HHAT: variants seen among roughly 807,000 people sequenced by gnomAD.
HHAT encodes the protein protein-cysteine N-palmitoyltransferase HHAT.
A neutral mutation model predicts 70.8 loss-of-function variants in HHAT; 47 were observed. The ratio of observed to expected loss-of-function variants is 0.66; its 90% CI spans 0.53 to 0.85. The LOEUF is 0.85. Among genes scored for constraint, HHAT ranks in the 40% least tolerant of loss-of-function variants. HHAT has a pLI of 0.00. For missense variants in HHAT, 609 were observed against 604.8 expected, an observed-to-expected ratio of 1.01 and a Z score of -0.07; for synonymous variants, 228 against 247.6, an observed-to-expected ratio of 0.92 and a Z score of 0.74.
At chr1:210,336,692 G>T (rs2085529542) in intron 1 of HHAT, among the ~76,000 whole-genome samples, 1 of 152,118 alleles carries the variant, frequency 6.6e-6, no homozygotes, top group African/African-American at 2.4e-5. Context: ...GCTAAGGCAG[G>T]AGGATCTCTT....
chr1:210,355,470 C>T (rs2087513355), intron 2 of HHAT, among the ~76,000 whole-genome samples: 1 of 152,102 alleles, frequency 6.6e-6, no homozygotes, highest in South Asian at 2.1e-4. Flanking sequence ...TTTTAAAGTA[C>T]CTATTCCTTT....
chr1:210,332,215 C>G (rs1316938111), intron 1 of HHAT, among the ~76,000 whole-genome samples: 1 of 152,212 alleles, frequency 6.6e-6, no homozygotes, highest in African/African-American at 2.4e-5. Context: ...AGTCGCTCTG[C>G]CCAAGCACAT....
At position 210,332,576 on chromosome 1, in the gene HHAT, C is replaced by G. The variant is rs549914099; in HGVS notation, c.-44+3472C>G. ...ACGGTTAGCCACTAAGAATGATACT[C>G]TCATTGCAGACACATTTGATGAAAT... is the stretch of plus-strand genomic sequence containing the variant. On this transcript the variant is annotated intron_variant, in intron 1 of 11. Transcript: ENST00000261458. Among the ~76,000 whole-genome samples, 4 of 152,384 alleles carry G rather than the reference C, an allele frequency of 2.6e-5. No individual in the cohort carries two copies. In the East Asian group the frequency reaches 7.7e-4, roughly 29 times the overall value.
chr1:210,579,309 T>A (rs1283219460), intron 9 of HHAT, among the ~76,000 whole-genome samples: 1 of 152,058 alleles, frequency 6.6e-6, no homozygotes, highest in African/African-American at 2.4e-5. Flanking sequence ...GTCAAACTCA[T>A]AGAAGCGAAG....
intron 8 of HHAT, among the ~76,000 whole-genome samples, chr1:210,472,961 CTTA>C (rs2094231979): frequency 6.6e-6 from 1 of 152,098 alleles, no homozygotes; most frequent in African/African-American, 2.4e-5. Context: ...GACCAAGGTT[CTTA>C]TTATGTAGAT....
intron 9 of HHAT, among the ~76,000 whole-genome samples, chr1:210,578,442 G>A (rs555751558): frequency 6.6e-6 from 1 of 152,164 alleles, no homozygotes; most frequent in South Asian, 2.1e-4. Context: ...ATAAAAAAGA[G>A]CTACTATGTG....
chr1:210,558,372 G>A (rs1454366889), intron 9 of HHAT, among the ~76,000 whole-genome samples: 1 of 152,218 alleles, frequency 6.6e-6, no homozygotes, highest in Non-Finnish European at 1.5e-5. Context: ...CCTGGCTAAG[G>A]TAAGAGGGGC....
chr1:210,377,280 A>G (rs528778059), intron 3 of HHAT, among the ~76,000 whole-genome samples: 122 of 152,278 alleles, frequency 8.0e-4, no homozygotes, highest in African/African-American at 2.8e-3. Context: ...CATTTTTTTC[A>G]TCATCTCCAA....
At chr1:210,389,387 C>A (rs2091300588) in intron 4 of HHAT, among the ~76,000 whole-genome samples, 1 of 152,148 alleles carries the variant, frequency 6.6e-6, no homozygotes, top group African/African-American at 2.4e-5. Flanking sequence ...AGCCACCAGT[C>A]CCACTCCCGT....
At position 210,339,736 on chromosome 1, in the gene HHAT, A is replaced by T. The variant is rs144252979; in HGVS notation, c.-43-9197A>T. ...AGTCACATGAGTGACCTCAGGAGGG[A>T]CATGAACAGAACTGTCCAGACTGCC... is the stretch of plus-strand genomic sequence containing the variant. On this transcript the variant is annotated intron_variant, in intron 1 of 11. Coordinates refer to ENST00000261458, the MANE Select transcript of HHAT (RefSeq NM_018194.6). Among the ~76,000 whole-genome samples the T allele has an allele frequency of 8.2e-3, 1,250 of 152,328 alleles. 9 individuals are homozygous for T. The highest frequency in any genetic ancestry group is 0.024 in the Middle Eastern group (7 of 294).
chr1:210,416,068 C>G (rs1345736029), intron 6 of HHAT, among the ~76,000 whole-genome samples: 1 of 152,136 alleles, frequency 6.6e-6, no homozygotes, highest in Admixed American at 6.5e-5. Flanking sequence ...GCCAATGAGC[C>G]GACCAAAATT....
intron 2 of HHAT, among the ~76,000 whole-genome samples, chr1:210,361,492 C>G (rs1041317223): frequency 2.0e-5 from 3 of 151,914 alleles, no homozygotes; most frequent in Admixed American, 1.3e-4. Context: ...GCAAGCCCCT[C>G]TCTTTTCTGT....
At chr1:210,662,340 T>C (rs962939747) in intron 11 of HHAT, among the ~76,000 whole-genome samples, 4 of 140,244 alleles carry the variant, frequency 2.9e-5, no homozygotes, top group African/African-American at 1.0e-4. Flanking sequence ...AATATGGATG[T>C]GGGTGAGCGG....
rs149117428 is a variant in HHAT, at chr1:210,473,488, G to A, written c.1007+8833G>A. On this transcript the variant is annotated intron_variant, in intron 8 of 11. Coordinates refer to ENST00000261458, the MANE Select transcript of HHAT (RefSeq NM_018194.6). ...TTGTTTTCAGTTTACAGCACCGAGG[G>A]GGACGGGATGGGGAGAAAGGGAGTC... Among the ~76,000 whole-genome samples, 510 of 152,176 alleles carry A rather than the reference G, an allele frequency of 3.4e-3. 1 individual carries two copies. Among genetic ancestry groups the A allele is most frequent in the African/African-American group, 8.5e-3 (351 of 41,492 alleles).
intron 3 of HHAT, among the ~76,000 whole-genome samples, chr1:210,373,675 C>A (rs901761149): frequency 4.6e-5 from 7 of 152,178 alleles, no homozygotes; most frequent in Non-Finnish European, 8.8e-5. Context: ...TAAACACTTA[C>A]TAGGCAAGCA....
chr1:210,503,085 G>A (rs1047485330), intron 8 of HHAT, among the ~76,000 whole-genome samples: 6 of 151,880 alleles, frequency 4.0e-5, no homozygotes, highest in African/African-American at 1.5e-4. Flanking sequence ...TCAGCCTCCC[G>A]AGTAGCTAGG....
At chr1:210,367,547 T>A (rs2089121767) in intron 3 of HHAT, among the ~76,000 whole-genome samples, 1 of 151,908 alleles carries the variant, frequency 6.6e-6, no homozygotes, top group African/African-American at 2.4e-5. Flanking sequence ...GGCAAGATCA[T>A]CAGTAGAGGA....
At chr1:210,490,157 G>A (rs2094530282) in intron 8 of HHAT, among the ~76,000 whole-genome samples, 2 of 152,230 alleles carry the variant, frequency 1.3e-5, no homozygotes, top group African/African-American at 4.8e-5. Context: ...GCTCCCTGAT[G>A]TCTGATGAAG....
At chr1:210,335,237 A>C (rs1042437519) in intron 1 of HHAT, among the ~76,000 whole-genome samples, 2 of 152,278 alleles carry the variant, frequency 1.3e-5, no homozygotes, top group South Asian at 4.1e-4. Flanking sequence ...TAACACTACG[A>C]AAGTCAACAA....
Sources: gnomAD v4.1 joint callset for allele counts (sites outside exome capture counted in the v4.1 genomes callset) on GRCh38, gnomAD v4.1.1 for gene constraint, MANE v1.5 for transcripts, NCBI Gene and HGNC (gene_info 2026-07-23, HGNC 2026-07-21) for gene names.